The following TRRAP variants were observed in gnomAD, a reference collection of about 807,000 sequenced individuals.
TRRAP encodes transformation/transcription domain-associated protein.
Under a neutral mutation model 438.8 loss-of-function variants are expected in TRRAP, and 41 were observed. That is an observed-to-expected ratio of 0.09 (90% CI 0.07 to 0.12). The LOEUF (loss-of-function observed/expected upper bound fraction) is 0.12. Among genes scored for constraint, TRRAP ranks in the 10% least tolerant of loss-of-function variants. The pLI, the probability that TRRAP is intolerant of heterozygous loss-of-function variation, is 1.00. For synonymous variants in TRRAP, 1,994 were observed against 1,962.9 expected (o/e 1.02, Z -0.42); for missense variants, 3,122 against 5,055.1 (o/e 0.62, Z 11.60).
intron 53 of TRRAP, among the ~76,000 whole-genome samples, chr7:98,974,918 G>A (rs971281724): frequency 1.3e-5 from 2 of 152,130 alleles, no homozygotes; most frequent in African/African-American, 2.4e-5. Context: ...TGAGGATTTC[G>A]ACACTTGGGG....
intron 1 of TRRAP, among the ~76,000 whole-genome samples, chr7:98,879,390 C>T (rs145502169): frequency 3.8e-4 from 58 of 152,038 alleles, no homozygotes; most frequent in Admixed American, 8.5e-4. Context: ...GAGGCCGTGA[C>T]CCCGAGTCTT....
In TRRAP at chr7:98,976,832, A is replaced by G. The variant is rs1792681732; in HGVS notation, c.8247+62A>G. The G allele has an allele frequency of 1.9e-6, 3 of 1,600,632 alleles. No individual in the cohort carries two copies. Among genetic ancestry groups the G allele is most frequent in the Non-Finnish European group, 2.6e-6 (3 of 1,172,040 alleles). On this transcript the variant is annotated intron_variant, in intron 55 of 72. Transcript: ENST00000456197. The surrounding 1 kb of genome is among the most constrained non-coding windows in gnomAD (Gnocchi z 4.6). ...CTGCCAGTGACTTCACACTTTAAAT[A>G]AATACTCCTCCCAAATGATTTCAAA...
chr7:98,978,341 C>T lies in TRRAP; in HGVS notation c.8498+18C>T. The stretch of plus-strand genomic sequence containing the variant: ...TGGATTCGGTAAGCCAAACACAGTG[C>T]TTGACGTGTGCATGAATCAGTTAAG... On this transcript the variant is annotated intron_variant, in intron 57 of 72. Coordinates refer to ENST00000456197, the MANE Select transcript of TRRAP (RefSeq NM_001375524.1). 2 of 1,585,498 alleles carry T rather than the reference C, an allele frequency of 1.3e-6. No individual in the cohort carries two copies. The highest frequency in any genetic ancestry group is 2.2e-5 in the South Asian group (2 of 89,460).
Position 98,938,749 on chromosome 7 carries a change from C to G in TRRAP, c.4404+929C>G, listed in dbSNP as rs189222608. 2.6e-5 allele frequency among the ~76,000 whole-genome samples: 4 copies of G among 152,290 alleles called. No homozygotes were observed. In the East Asian group the frequency reaches 5.8e-4, roughly 22 times the overall value. Reference sequence around the variant, plus strand: ...CCTTTTCATTATATACCATGATGCACTGAAAGACTTGTTCATAATTTCACA... The same window carrying G: ...CCTTTTCATTATATACCATGATGCAGTGAAAGACTTGTTCATAATTTCACA... On this transcript the variant is annotated intron_variant, in intron 30 of 72. Coordinates refer to ENST00000456197, the MANE Select transcript of TRRAP (RefSeq NM_001375524.1).
intron 65 of TRRAP, among the ~76,000 whole-genome samples, chr7:98,992,806 G>C (rs1187049780): frequency 5.3e-5 from 8 of 152,170 alleles, no homozygotes; most frequent in Non-Finnish European, 1.0e-4. Context: ...TTTCAATGCT[G>C]AGTCTCCTAA....
chr7:98,979,533 T>G (rs148250473), intron 58 of TRRAP, among the ~76,000 whole-genome samples: 27 of 152,334 alleles, frequency 1.8e-4, no homozygotes, highest in African/African-American at 6.3e-4. Context: ...GTTGGTCAAA[T>G]CCACACATAT....
intron 31 of TRRAP, among the ~76,000 whole-genome samples, chr7:98,945,249 C>T (rs1372709635): frequency 2.0e-5 from 3 of 152,224 alleles, no homozygotes; most frequent in African/African-American, 7.2e-5. Context: ...TGCACACACA[C>T]ACCCACACAG....
intron 6 of TRRAP, among the ~76,000 whole-genome samples, chr7:98,895,561 T>C (rs532388965): frequency 6.6e-6 from 1 of 152,244 alleles, no homozygotes; most frequent in Non-Finnish European, 1.5e-5. Context: ...AATCAGAAAC[T>C]TGTTATCTGT....
At chr7:98,966,817 G>T (rs891092555) in intron 49 of TRRAP, among the ~76,000 whole-genome samples, 4 of 152,182 alleles carry the variant, frequency 2.6e-5, no homozygotes, top group African/African-American at 9.7e-5. Context: ...CTTCTGATTT[G>T]TTTTATAATT....
At chr7:98,998,855 A>C in intron 67 of TRRAP, 1 of 311,664 alleles carries the variant, frequency 3.2e-6, no homozygotes, top group Non-Finnish European at 6.1e-6. Context: ...GCTTGCAGGT[A>C]TTCGTTTTGT....
rs567995288 is a variant in TRRAP, at chr7:98,982,004, G to A, written c.8826+44G>A. On this transcript the variant is annotated intron_variant, in intron 59 of 72. Transcript: ENST00000456197. Reference sequence around the variant, plus strand: ...TGCGAGCACAGGCCTGTGGCCTGTCGCAGCCAAGCGCCGGTGTCCAGGCTT... The same window carrying A: ...TGCGAGCACAGGCCTGTGGCCTGTCACAGCCAAGCGCCGGTGTCCAGGCTT... 17 of 1,463,906 alleles carry A rather than the reference G, an allele frequency of 1.2e-5. No individual in the cohort carries two copies. In the East Asian group the frequency reaches 1.3e-4, roughly 11 times the overall value. 90.7% of individuals were successfully genotyped at this position (1,463,906 alleles called of 1,614,324 possible).
chr7:98,922,959 C>T lies in TRRAP; in HGVS notation c.2823+1006C>T, dbSNP rs78752185. On this transcript the variant is annotated intron_variant, in intron 21 of 72. Coordinates refer to ENST00000456197, the MANE Select transcript of TRRAP (RefSeq NM_001375524.1). The stretch of plus-strand genomic sequence containing the variant: ...GGAGGGAGAAGCTGGTACAGATAAG[C>T]GTCACTCTGGAGTTGTTTTCTGTCA... Among the ~76,000 whole-genome samples the T allele has an allele frequency of 2.3e-4, 35 of 152,226 alleles. No individual in the cohort carries two copies. The East Asian group carries it at 4.1e-3, about 18-fold the overall frequency.
intron 14 of TRRAP, 57 bp downstream of exon 14, chr7:98,909,019 A>ATTTTTTTTT: frequency 2.7e-6 from 3 of 1,091,034 alleles, no homozygotes; most frequent in Non-Finnish European, 1.3e-6. Context: ...TTGTGGCTAA[A>ATTTTTTTTT]TTTTTTTTTT....
chr7:98,984,556 C>T (rs900724058), intron 61 of TRRAP, among the ~76,000 whole-genome samples, 198 bp downstream of exon 61: 12 of 152,112 alleles, frequency 7.9e-5, no homozygotes, highest in Non-Finnish European at 1.6e-4. Flanking sequence ...ATTACAGTCT[C>T]TTGTGGTCTC....
At chr7:98,969,244 T>A (rs1174258646) in intron 51 of TRRAP, among the ~76,000 whole-genome samples, 1 of 152,248 alleles carries the variant, frequency 6.6e-6, no homozygotes, top group Non-Finnish European at 1.5e-5. Flanking sequence ...ATGGTCCCCA[T>A]AGCCTCTCTC....
chr7:98,897,789 C>G lies in TRRAP; in HGVS notation c.556C>G (p.Pro186Ala), dbSNP rs1202946385. The change falls in exon 8 of 73, where the codon CCC (proline) becomes GCC (alanine). Residue 186 changes from proline (P) to alanine (A), a missense_variant. Physicochemically the swap from Pro to Ala is conservative, Grantham distance 27. This residue lies in a region of TRRAP where 343 missense variants were observed against 564.0 expected (regional missense o/e 0.61). Coordinates refer to ENST00000456197, the MANE Select transcript of TRRAP (RefSeq NM_001375524.1). Reference protein sequence around the residue: ...PQVIPENTVPPPEMVGMITTI... With the variant: ...PQVIPENTVPAPEMVGMITTI... ...AGTGATCCCCGAGAACACAGTGCCT[C>G]CCCCAGAAATGGTTGGTATGATAAC... 1 of 1,613,756 alleles carries G rather than the reference C, an allele frequency of 6.2e-7. No individual in the cohort carries two copies. The highest frequency in any genetic ancestry group is 8.5e-7 in the Non-Finnish European group (1 of 1,179,964).
chr7:98,962,471 C>A, intron 47 of TRRAP, 44 bp downstream of exon 47: 1 of 1,612,640 alleles, frequency 6.2e-7, no homozygotes, highest in African/African-American at 1.3e-5. Flanking sequence ...CTCAGTTTGG[C>A]CTCTTTCCCC....
chr7:98,975,532 C>A (rs1792615203), intron 53 of TRRAP, among the ~76,000 whole-genome samples: 1 of 152,242 alleles, frequency 6.6e-6, no homozygotes, highest in South Asian at 2.1e-4. Flanking sequence ...GAGATAAACA[C>A]AACTGTGAAT....
intron 25 of TRRAP, 148 bp from the exon 26 acceptor site, chr7:98,931,256 TG>T: frequency 8.9e-7 from 1 of 1,121,028 alleles, no homozygotes; most frequent in Non-Finnish European, 1.2e-6. Flanking sequence ...AAGCACCAAG[TG>T]GGTGCCGTGA....
Sources: allele counts gnomAD v4.1 joint callset (sites outside exome capture counted in the v4.1 genomes callset), GRCh38; gene constraint gnomAD v4.1.1; regional missense constraint gnomAD v4.1.1; non-coding constraint Gnocchi (gnomAD v3.1); transcripts MANE v1.5; gene names NCBI Gene and HGNC (gene_info 2026-07-23, HGNC 2026-07-21).